Variants in RBFOX1 observed in about 807,000 individuals in gnomAD.
The protein encoded by RBFOX1 is RNA binding protein fox-1 homolog 1.
RBFOX1 carries 8 observed loss-of-function variants against 57.7 expected under a neutral mutation model. That is an observed-to-expected ratio of 0.14 (90% CI 0.08 to 0.25). The LOEUF (loss-of-function observed/expected upper bound fraction) is 0.25. Ranked by LOEUF, RBFOX1 falls within the 10% of genes least tolerant of loss-of-function variation. The probability of loss-of-function intolerance (pLI) is 1.00; values close to 1 mark genes in which losing one functional copy is unlikely to be tolerated. For synonymous variants in RBFOX1, 326 were observed against 222.4 expected (o/e 1.47, Z -4.15); for missense variants, 611 against 548.5 (o/e 1.11, Z -1.14).
chr16:5,934,976 C>G (rs565143130), intron 4 of RBFOX1, among the ~76,000 whole-genome samples: 1 of 152,274 alleles, frequency 6.6e-6, no homozygotes, highest in Admixed American at 6.5e-5. Context: ...TTGGCCTCCC[C>G]CAGAGAGATC....
intron 3 of RBFOX1, among the ~76,000 whole-genome samples, chr16:6,788,153 CG>C (rs1173082249): frequency 6.6e-6 from 1 of 152,064 alleles, no homozygotes; most frequent in African/African-American, 2.4e-5. Flanking sequence ...ACCTGGGAGG[CG>C]GATGTTGGAG....
chr16:6,190,316 T>A lies in RBFOX1; in HGVS notation c.-126-126679T>A, dbSNP rs1032688525. On this transcript the variant is annotated intron_variant, in intron 1 of 15. Transcript: ENST00000550418. The stretch of plus-strand genomic sequence containing the variant: ...CATCCAAACCAACACTAAGTAGTAA[T>A]GTTAGGATGTGTCCTATAGACGTTG... 2.0e-5 allele frequency among the ~76,000 whole-genome samples: 3 copies of A among 152,314 alleles called. No homozygotes were observed. In the South Asian group the frequency reaches 6.2e-4, roughly 32 times the overall value.
chr16:6,290,006 T>A (rs1027273798), intron 1 of RBFOX1, among the ~76,000 whole-genome samples: 1 of 152,016 alleles, frequency 6.6e-6, no homozygotes, highest in Non-Finnish European at 1.5e-5. Context: ...GGAAACAAGA[T>A]CATTAGAGAT....
At chr16:5,560,294 A>G (rs1311948040) in intron 2 of RBFOX1, among the ~76,000 whole-genome samples, 1 of 152,074 alleles carries the variant, frequency 6.6e-6, no homozygotes, top group East Asian at 1.9e-4. Context: ...CACCTCCTCC[A>G]GGAAGCACTT....
chr16:6,024,144 A>C (rs1282931797), intron 1 of RBFOX1, among the ~76,000 whole-genome samples: 2 of 152,192 alleles, frequency 1.3e-5, no homozygotes, highest in Non-Finnish European at 2.9e-5. Flanking sequence ...GACATGGGTG[A>C]CTGTGGCCTG....
chr16:6,000,343 C>G (rs918160219), intron 4 of RBFOX1, among the ~76,000 whole-genome samples: 3 of 152,158 alleles, frequency 2.0e-5, no homozygotes, highest in Admixed American at 6.5e-5. Flanking sequence ...TGCCAAAGCT[C>G]AGCCCTGACC....
chr16:5,265,462 C>G (rs769007873), intron 1 of RBFOX1, among the ~76,000 whole-genome samples: 1 of 152,208 alleles, frequency 6.6e-6, no homozygotes, highest in Non-Finnish European at 1.5e-5. Flanking sequence ...AAATTAAACA[C>G]CTTAATCATG....
intron 2 of RBFOX1, among the ~76,000 whole-genome samples, chr16:5,505,220 C>G (rs576022579): frequency 6.6e-6 from 1 of 152,318 alleles, no homozygotes; most frequent in South Asian, 2.1e-4. Flanking sequence ...CCCTTCTCCT[C>G]TACTTAAAAC....
rs61629644 is a variant in RBFOX1 at position 7,388,644 on chromosome 16, CTT to C, written c.28-129479_28-129478del. 7.3e-3 allele frequency among the ~76,000 whole-genome samples: 671 copies of C among 92,542 alleles called. 1 individual carries two copies. The highest frequency in any genetic ancestry group is 0.011 in the African/African-American group (270 of 23,686). The allele number at this position is 92,542 out of a possible 152,430, so 60.7% of individuals were successfully genotyped here. On this transcript the variant is annotated intron_variant, in intron 4 of 15. Coordinates refer to ENST00000550418, the MANE Select transcript of RBFOX1 (RefSeq NM_018723.4). ...CCCAACTTAAAAGTGGTTTCACTTA[CTT>C]TTTTTTTTTTTTTTTTTTTTTTTGA...
chr16:5,877,440 G>C (rs535184545), intron 4 of RBFOX1, among the ~76,000 whole-genome samples: 1 of 152,192 alleles, frequency 6.6e-6, no homozygotes, highest in Admixed American at 6.5e-5. Context: ...ATACCTAGAG[G>C]GGGCTGTTTA....
chr16:5,463,253 A>G (rs1369157633), intron 1 of RBFOX1, among the ~76,000 whole-genome samples: 2 of 152,118 alleles, frequency 1.3e-5, no homozygotes, highest in African/African-American at 4.8e-5. Flanking sequence ...TATAAATCCA[A>G]CTGACACCTT....
rs62015537 is a variant in RBFOX1, at chr16:6,595,042, C to A, written c.-63-59561C>A. On this transcript the variant is annotated intron_variant, in intron 2 of 15. Coordinates refer to ENST00000550418, the MANE Select transcript of RBFOX1 (RefSeq NM_018723.4). ...GAGCTCGTTATCCACCCGCCTCTGC[C>A]TCCCAAAGTGCTGGGATTACAGGCA... is the stretch of plus-strand genomic sequence containing the variant. Among the ~76,000 whole-genome samples, 27 of 152,212 alleles carry A rather than the reference C, an allele frequency of 1.8e-4. No individual in the cohort carries two copies. The East Asian group carries it at 4.3e-3, about 24-fold the overall frequency.
At chr16:6,708,137 T>C (rs1893512721) in intron 3 of RBFOX1, among the ~76,000 whole-genome samples, 1 of 152,188 alleles carries the variant, frequency 6.6e-6, no homozygotes, top group African/African-American at 2.4e-5. Flanking sequence ...GACACCTGGC[T>C]TGGGGAGCGG....
chr16:6,169,500 T>A (rs2096942499), intron 1 of RBFOX1, among the ~76,000 whole-genome samples: 1 of 152,078 alleles, frequency 6.6e-6, no homozygotes, highest in Non-Finnish European at 1.5e-5. Context: ...AATGAACGAT[T>A]CCTGAATCAG....
chr16:6,623,981 T>C (rs1321126244), intron 2 of RBFOX1, among the ~76,000 whole-genome samples: 1 of 152,202 alleles, frequency 6.6e-6, no homozygotes, highest in African/African-American at 2.4e-5. Context: ...CTGGGTCAAA[T>C]GGTATTTCTA....
intron 2 of RBFOX1, among the ~76,000 whole-genome samples, chr16:6,530,363 T>C (rs1275517499): frequency 1.3e-5 from 2 of 152,164 alleles, no homozygotes; most frequent in Non-Finnish European, 2.9e-5. Context: ...ACAGCTGAGC[T>C]TGAGCCAGTT....
chr16:6,541,862 A>G (rs1567615538), intron 2 of RBFOX1, among the ~76,000 whole-genome samples: 3 of 152,162 alleles, frequency 2.0e-5, no homozygotes, highest in South Asian at 4.1e-4. Flanking sequence ...GAGCATCTGA[A>G]CAGATTAACC....
At chr16:7,218,706 G>C (rs2092471443) in intron 4 of RBFOX1, among the ~76,000 whole-genome samples, 1 of 147,150 alleles carries the variant, frequency 6.8e-6, no homozygotes, top group Non-Finnish European at 1.5e-5. Context: ...CTGGCTGTGA[G>C]ACTTTGGTAA....
chr16:5,435,478 G>C (rs500994), intron 1 of RBFOX1, among the ~76,000 whole-genome samples: 92,611 of 151,960 alleles, frequency 0.61, 28,768 homozygotes, highest in African/African-American at 0.72. Flanking sequence ...GGAAAAAACA[G>C]CCCACTACGA....
Sources: allele counts gnomAD v4.1 joint callset (sites outside exome capture counted in the v4.1 genomes callset), GRCh38; gene constraint gnomAD v4.1.1; transcripts MANE v1.5; gene names NCBI Gene and HGNC (gene_info 2026-07-23, HGNC 2026-07-21).